PDE3A: variants seen among roughly 807,000 people sequenced by gnomAD.
PDE3A encodes the protein cGMP-inhibited 3',5'-cyclic phosphodiesterase 3A.
PDE3A carries 43 observed loss-of-function variants against 98.3 expected under a neutral mutation model. The observed-to-expected ratio is 0.44, with a 90% CI of 0.34 to 0.56. PDE3A has a LOEUF of 0.56. PDE3A is among the 20% of genes least tolerant of loss of function. The probability of loss-of-function intolerance (pLI) is 0.01; values close to 1 mark genes in which losing one functional copy is unlikely to be tolerated. For synonymous variants in PDE3A, 663 were observed against 567.9 expected (o/e 1.17, Z -2.38); for missense variants, 1,427 against 1,440.7 (o/e 0.99, Z 0.15).
chr12:20,445,454 C>T (rs1281476480), intron 1 of PDE3A, among the ~76,000 whole-genome samples: 4 of 152,052 alleles, frequency 2.6e-5, no homozygotes, highest in South Asian at 4.2e-4. Context: ...AACTTTCCCT[C>T]GGGACTTACA....
intron 1 of PDE3A, among the ~76,000 whole-genome samples, chr12:20,455,648 C>T (rs2120904091): frequency 6.6e-6 from 1 of 152,252 alleles, no homozygotes; most frequent in East Asian, 1.9e-4. Context: ...TTCAGTAAAT[C>T]CCTGTCATGT....
chr12:20,462,008 A>G (rs1025455967), intron 1 of PDE3A, among the ~76,000 whole-genome samples: 7 of 152,292 alleles, frequency 4.6e-5, no homozygotes, highest in Middle Eastern at 3.4e-3. Context: ...TTCCTGCTGC[A>G]TGTCTCACTT....
chr12:20,408,451 CT>C lies in PDE3A; in HGVS notation c.960+38208del, dbSNP rs545955645. 3.1e-3 allele frequency among the ~76,000 whole-genome samples: 478 copies of C among 152,242 alleles called. 5 individuals carry two copies. The highest frequency in any genetic ancestry group is 0.019 in the Admixed American group (287 of 15,282). ...GTTTAATTTACATGGCTGTTTGGCTCTGTTAATGATAGAAAACCCTTCATTA... is the reference window on the plus strand; with the variant it reads ...GTTTAATTTACATGGCTGTTTGGCTCGTTAATGATAGAAAACCCTTCATTA... On this transcript the variant is annotated intron_variant, in intron 1 of 15. Coordinates refer to ENST00000359062, the MANE Select transcript of PDE3A (RefSeq NM_000921.5).
chr12:20,369,079 A>G lies in PDE3A; in HGVS notation c.-206A>G, dbSNP rs1943401931. 1.3e-5 allele frequency among the ~76,000 whole-genome samples: 2 copies of G among 152,176 alleles called. No individual in the cohort carries two copies. The highest frequency in any genetic ancestry group is 2.1e-4 in the South Asian group (1 of 4,832). ...CTAGCCTTTAACTTGAAGAAGTCTC[A>G]TTGGAGCATCTAGCATTCTCCAGGA... is the stretch of plus-strand genomic sequence containing the variant. On this transcript the variant is annotated 5_prime_UTR_variant, in exon 1 of 16. Coordinates refer to ENST00000359062, the MANE Select transcript of PDE3A (RefSeq NM_000921.5).
chr12:20,634,318 G>A (rs1187088429), intron 7 of PDE3A, among the ~76,000 whole-genome samples: 2 of 152,168 alleles, frequency 1.3e-5, no homozygotes, highest in Non-Finnish European at 2.9e-5. Context: ...GCTCAGAGAG[G>A]ATAGACTTCA....
Position 20,552,515 on chromosome 12 carries a change from A to C in PDE3A, c.961-4145A>C. 1 of 1,612,778 alleles carries C rather than the reference A, an allele frequency of 6.2e-7. No individual in the cohort carries two copies. The highest frequency in any genetic ancestry group is 8.5e-7 in the Non-Finnish European group (1 of 1,179,504). ...GAGAAGGAGAACAGCAAGAGGGAGG[A>C]GGAGGAGCAGCAGGAGGGGGGCTTC... On this transcript the variant is annotated intron_variant, in intron 1 of 15. Coordinates refer to ENST00000359062, the MANE Select transcript of PDE3A (RefSeq NM_000921.5). The surrounding 1 kb of genome is among the most constrained non-coding windows in gnomAD (Gnocchi z 5.1).
chr12:20,616,412 G>A (rs1463316555), intron 4 of PDE3A, 28 bp downstream of exon 4: 1 of 1,596,524 alleles, frequency 6.3e-7, no homozygotes, highest in Non-Finnish European at 8.5e-7. Flanking sequence ...CTGGTTTAAT[G>A]TCTCTTAGAG....
rs148318159 is a variant in PDE3A, at chr12:20,369,857, G to C, written c.573G>C (p.Ala191=). The C allele has an allele frequency of 1.1e-4, 174 of 1,612,228 alleles. No homozygotes were observed. The highest frequency in any genetic ancestry group is 1.3e-4 in the Non-Finnish European group (157 of 1,179,438). The change falls in exon 1 of 16, where the codon GCG becomes GCC. Residue 191 remains alanine, a synonymous_variant. Coordinates refer to ENST00000359062, the MANE Select transcript of PDE3A (RefSeq NM_000921.5). Reference sequence around the variant, plus strand: ...ATCACTTACTCTCACTCCCCGCCGCGGGGGTGGTGCTCAGCTGCTTGGCCG... The same window carrying C: ...ATCACTTACTCTCACTCCCCGCCGCCGGGGTGGTGCTCAGCTGCTTGGCCG... ...GEDHLLSLPA[A]GVVLSCLAAA...
At chr12:20,416,335 T>G (rs2120732282) in intron 1 of PDE3A, among the ~76,000 whole-genome samples, 1 of 152,330 alleles carries the variant, frequency 6.6e-6, no homozygotes, top group African/African-American at 2.4e-5. Flanking sequence ...GTTGTTTTCC[T>G]GTGCGGAATA....
chr12:20,673,015 C>G (rs1266242195), intron 15 of PDE3A, among the ~76,000 whole-genome samples: 2 of 151,452 alleles, frequency 1.3e-5, no homozygotes, highest in East Asian at 3.9e-4. Flanking sequence ...AAAAAACAAA[C>G]AACCCCATCA....
chr12:20,384,738 GT>G (rs1225867994), intron 1 of PDE3A, among the ~76,000 whole-genome samples: 1 of 151,856 alleles, frequency 6.6e-6, no homozygotes, highest in African/African-American at 2.4e-5. Context: ...ATGTCCATGT[GT>G]TATCATTGTT....
At chr12:20,662,336 C>A (rs1945193656) in intron 15 of PDE3A, among the ~76,000 whole-genome samples, 2 of 152,032 alleles carry the variant, frequency 1.3e-5, no homozygotes, top group Admixed American at 1.3e-4. Context: ...AGATGAGGAA[C>A]TTGTTGAGAA....
chr12:20,397,631 G>C (rs1241062167), intron 1 of PDE3A, among the ~76,000 whole-genome samples: 1 of 151,842 alleles, frequency 6.6e-6, no homozygotes, highest in Non-Finnish European at 1.5e-5. Context: ...TAATATTATT[G>C]ACTGATACTT....
At chr12:20,370,387 A>T in intron 1 of PDE3A, 143 bp downstream of exon 1, 2 of 526,466 alleles carry the variant, frequency 3.8e-6, no homozygotes, top group East Asian at 3.6e-5. Context: ...AGAAACTAGC[A>T]GGTTTTTTTT....
chr12:20,424,734 A>C (rs1484924056), intron 1 of PDE3A, among the ~76,000 whole-genome samples: 1 of 152,246 alleles, frequency 6.6e-6, no homozygotes, highest in Non-Finnish European at 1.5e-5. Context: ...CTGTGGAGAA[A>C]ACCAGTCAGT....
At chr12:20,538,992 A>C (rs751497488) in intron 1 of PDE3A, among the ~76,000 whole-genome samples, 1 of 152,020 alleles carries the variant, frequency 6.6e-6, no homozygotes, top group Non-Finnish European at 1.5e-5. Flanking sequence ...ATTCTTTTTA[A>C]AAAGCATGTA....
At chr12:20,385,190 C>A (rs1943731956) in intron 1 of PDE3A, among the ~76,000 whole-genome samples, 1 of 152,008 alleles carries the variant, frequency 6.6e-6, no homozygotes, top group Non-Finnish European at 1.5e-5. Context: ...CTCACCAGCA[C>A]CTGTTGTTTC....
rs781638112 is a variant in PDE3A, at chr12:20,682,671, A to G, written c.*2400A>G. ...TATCTCCATGTTTGCAAAAATTACT[A>G]TAAGTCAAATTTTGCCAGTGAATTT... On this transcript the variant is annotated 3_prime_UTR_variant, in exon 16 of 16. Coordinates refer to ENST00000359062, the MANE Select transcript of PDE3A (RefSeq NM_000921.5). The G allele has an allele frequency of 3.3e-5, 5 of 152,208 alleles. No individual in the cohort carries two copies. Among genetic ancestry groups the G allele is most frequent in the Non-Finnish European group, 5.9e-5 (4 of 68,030 alleles). 9.4% of individuals were successfully genotyped at this position (152,208 alleles called of 1,614,324 possible).
At chr12:20,433,679 T>TAC (rs1188128694) in intron 1 of PDE3A, among the ~76,000 whole-genome samples, 1 of 152,160 alleles carries the variant, frequency 6.6e-6, no homozygotes, top group East Asian at 1.9e-4. Context: ...TTTAAAAAAA[T>TAC]ACACAAGATG....
Sources: gnomAD v4.1 joint callset for allele counts (sites outside exome capture counted in the v4.1 genomes callset) on GRCh38, gnomAD v4.1.1 for gene constraint, Gnocchi (gnomAD v3.1) non-coding constraint, MANE v1.5 for transcripts, NCBI Gene and HGNC (gene_info 2026-07-23, HGNC 2026-07-21) for gene names.